Variants in SVIL observed in about 807,000 individuals in gnomAD.
The protein encoded by SVIL is supervillin.
SVIL carries 101 observed loss-of-function variants against 240.4 expected under a neutral mutation model. The ratio of observed to expected loss-of-function variants is 0.42; its 90% CI spans 0.36 to 0.50. The LOEUF (loss-of-function observed/expected upper bound fraction) is 0.50, where lower values mean the gene tolerates loss of function less well. Ranked by LOEUF, SVIL falls within the 20% of genes least tolerant of loss-of-function variation. The probability of loss-of-function intolerance (pLI) is 0.01; values close to 1 mark genes in which losing one functional copy is unlikely to be tolerated. For missense variants in SVIL, 2,512 were observed against 2,818.7 expected (o/e 0.89, Z 2.46); for synonymous variants, 999 against 1,100.0 (o/e 0.91, Z 1.82).
At chr10:29,460,264 A>G (rs1944088807) in intron 36 of SVIL, among the ~76,000 whole-genome samples, 1 of 152,166 alleles carries the variant, frequency 6.6e-6, no homozygotes, top group African/African-American at 2.4e-5. Flanking sequence ...GATAAATGAG[A>G]AAATCAGTGT....
At chr10:29,637,176 C>A (rs1958337855), upstream of SVIL, among the ~76,000 whole-genome samples, 1 of 152,162 alleles carries the variant, frequency 6.6e-6, no homozygotes, top group Non-Finnish European at 1.5e-5. Context: ...TAGCTAAAAA[C>A]CATCTTGAAA....
At chr10:29,725,506 T>C (rs1281556911) in intron 1 of SVIL, among the ~76,000 whole-genome samples, 1 of 152,132 alleles carries the variant, frequency 6.6e-6, no homozygotes, top group Non-Finnish European at 1.5e-5. Context: ...TGCACACAGA[T>C]GTGTCCTAGC....
Position 29,563,294 on chromosome 10 carries a change from T to C in SVIL, c.-142-2A>G, listed in dbSNP as rs1473613489. Reference sequence around the variant, plus strand: ...TCGAGTGAGAACTCCTTCTGAAAGCTAAAAATTACTCCATTAATAAAGTTA... The same window carrying C: ...TCGAGTGAGAACTCCTTCTGAAAGCCAAAAATTACTCCATTAATAAAGTTA... On this transcript the variant is annotated splice_acceptor_variant, in intron 2 of 37. Coordinates refer to ENST00000355867, the MANE Select transcript of SVIL (RefSeq NM_021738.3). LOFTEE classifies it low-confidence loss of function (5UTR_SPLICE). The C allele has an allele frequency of 3.0e-6, 3 of 983,850 alleles. No individual in the cohort carries two copies. Among genetic ancestry groups the C allele is most frequent in the Non-Finnish European group, 3.6e-6 (3 of 828,722 alleles). 60.9% of individuals were successfully genotyped at this position (983,850 alleles called of 1,614,324 possible).
chr10:29,535,325 T>G (rs541790821), intron 7 of SVIL, among the ~76,000 whole-genome samples: 2 of 152,226 alleles, frequency 1.3e-5, no homozygotes, highest in Middle Eastern at 3.4e-3. Context: ...CGGTTCCAGT[T>G]CTCCTGTGGA....
At chr10:29,654,438 A>G (rs1027295040) in intron 3 of SVIL, among the ~76,000 whole-genome samples, 2 of 152,272 alleles carry the variant, frequency 1.3e-5, no homozygotes, top group Admixed American at 6.5e-5. Flanking sequence ...TGAGTTCCTA[A>G]AAATTTTCTA....
intron 1 of SVIL, among the ~76,000 whole-genome samples, chr10:29,633,517 C>A (rs1361774031): frequency 6.6e-6 from 1 of 151,996 alleles, no homozygotes; most frequent in Non-Finnish European, 1.5e-5. Flanking sequence ...TTTTCAAACG[C>A]CCCCTAGGGT....
At chr10:29,693,972 G>C (rs1961722479) in intron 1 of SVIL, among the ~76,000 whole-genome samples, 1 of 151,788 alleles carries the variant, frequency 6.6e-6, no homozygotes, top group Admixed American at 6.6e-5. Flanking sequence ...TAGATACATA[G>C]ATAGATACAT....
At position 29,533,183 on chromosome 10, in the gene SVIL, G is replaced by T. The variant is rs764902641; in HGVS notation, c.1184C>A (p.Ala395Glu). The change falls in exon 8 of 38, where the codon GCA becomes GAA. Residue 395 changes from alanine to glutamate, a missense_variant. By Grantham distance (107) the Ala-to-Glu change is moderately radical. This residue lies in a region of SVIL where 1,443 missense variants were observed against 1,486.6 expected (regional missense o/e 0.97). Transcript: ENST00000355867. The part of the protein sequence containing the change: ...PENASECSWV[A>E]SATQNVPKPP... ...TTTGGGGACATTCTGGGTGGCTGAT[G>T]CTACCCAGCTACACTCAGATGCATT... 6.2e-7 allele frequency: 1 copy of T among 1,614,158 alleles called. No homozygotes were observed. Among genetic ancestry groups the T allele is most frequent in the Non-Finnish European group, 8.5e-7 (1 of 1,180,026 alleles).
At chr10:29,716,053 G>A (rs1453479097) in intron 1 of SVIL, among the ~76,000 whole-genome samples, 1 of 152,066 alleles carries the variant, frequency 6.6e-6, no homozygotes, top group Non-Finnish European at 1.5e-5. Context: ...ATACTATATT[G>A]CTTAAAATAT....
At chr10:29,702,548 G>A (rs557681512) in intron 1 of SVIL, among the ~76,000 whole-genome samples, 2 of 152,258 alleles carry the variant, frequency 1.3e-5, no homozygotes, top group South Asian at 2.1e-4. Context: ...CAGATCACAC[G>A]TTCACGAGGT....
chr10:29,713,208 G>A (rs1422998300), intron 1 of SVIL, among the ~76,000 whole-genome samples: 1 of 151,752 alleles, frequency 6.6e-6, no homozygotes, highest in Non-Finnish European at 1.5e-5. Flanking sequence ...AAACTGCAGT[G>A]GTAATCAAGA....
At chr10:29,520,880 G>A (rs1950515389) in intron 16 of SVIL, among the ~76,000 whole-genome samples, 2 of 148,256 alleles carry the variant, frequency 1.3e-5, no homozygotes, top group African/African-American at 5.0e-5. Flanking sequence ...CAGCACCATT[G>A]CACTCTAGTC....
chr10:29,699,570 C>T (rs1257228430), intron 1 of SVIL, among the ~76,000 whole-genome samples: 1 of 152,182 alleles, frequency 6.6e-6, no homozygotes, highest in Admixed American at 6.5e-5. Context: ...TCCAAAAGTG[C>T]TGGGATTACA....
chr10:29,668,505 ACT>A (rs1288698768), intron 2 of SVIL, among the ~76,000 whole-genome samples: 1 of 152,060 alleles, frequency 6.6e-6, no homozygotes, highest in Non-Finnish European at 1.5e-5. Flanking sequence ...ATGAAGTCTC[ACT>A]CTGTTGCCCA....
intron 16 of SVIL, among the ~76,000 whole-genome samples, chr10:29,514,832 T>C (rs1442471439): frequency 6.6e-6 from 1 of 152,248 alleles, no homozygotes; most frequent in Non-Finnish European, 1.5e-5. Context: ...TCCCATTAAA[T>C]ATTTGTTTTG....
chr10:29,520,998 C>T (rs555682322), intron 16 of SVIL, among the ~76,000 whole-genome samples: 6 of 150,820 alleles, frequency 4.0e-5, no homozygotes, highest in South Asian at 2.1e-4. Flanking sequence ...CCGAGGCAGG[C>T]GGATCAGGAG....
chr10:29,471,936 A>G (rs77263895), intron 30 of SVIL, among the ~76,000 whole-genome samples: 171 of 152,308 alleles, frequency 1.1e-3, no homozygotes, highest in African/African-American at 4.0e-3. Context: ...CATATCTAAA[A>G]TGATTTTCCA....
At chr10:29,492,395 G>A (rs1179836607) in intron 21 of SVIL, among the ~76,000 whole-genome samples, 1 of 152,116 alleles carries the variant, frequency 6.6e-6, no homozygotes, top group East Asian at 1.9e-4. Flanking sequence ...GCCTGACGGA[G>A]AGTGAGGCCA....
intron 1 of SVIL, among the ~76,000 whole-genome samples, chr10:29,688,328 A>G (rs1408415465): frequency 6.6e-6 from 1 of 152,208 alleles, no homozygotes; most frequent in Non-Finnish European, 1.5e-5. Context: ...CAACGTCAGA[A>G]GCCAAAGGTC....
Sources: allele counts gnomAD v4.1 joint callset (sites outside exome capture counted in the v4.1 genomes callset), GRCh38; gene constraint gnomAD v4.1.1; regional missense constraint gnomAD v4.1.1; transcripts MANE v1.5; gene names NCBI Gene and HGNC (gene_info 2026-07-23, HGNC 2026-07-21).